Variants in LYST observed in about 807,000 individuals in gnomAD.
The protein encoded by LYST is lysosomal-trafficking regulator.
A neutral mutation model predicts 413.6 loss-of-function variants in LYST; 192 were observed. That is an observed-to-expected ratio of 0.46 (90% confidence interval 0.41 to 0.52). The LOEUF (loss-of-function observed/expected upper bound fraction) is 0.52. Ranked by LOEUF, LYST falls within the 20% of genes least tolerant of loss-of-function variation. The pLI is 0.00. For synonymous variants in LYST, 1,525 were observed against 1,567.3 expected, an observed-to-expected ratio of 0.97 and a Z score of 0.64; for missense variants, 3,815 against 4,499.9, an observed-to-expected ratio of 0.85 and a Z score of 4.35.
intron 1 of LYST, among the ~76,000 whole-genome samples, chr1:235,846,227 T>A (rs1677847058): frequency 6.6e-6 from 1 of 152,092 alleles, no homozygotes; most frequent in African/African-American, 2.4e-5. Flanking sequence ...AGTACCGGCC[T>A]GGAGCCAGGG....
chr1:235,715,197 T>C lies in LYST; in HGVS notation c.9784+4A>G. The C allele has an allele frequency of 6.2e-7, 1 of 1,613,686 alleles. No homozygotes were observed. On this transcript the variant is annotated splice_donor_region_variant and intron_variant, in intron 42 of 52. Transcript: ENST00000389793. The stretch of plus-strand genomic sequence containing the variant: ...GACTTTTTAGGCAGTTATTAAATTC[T>C]TACCTTGATAGGCTAAAAACATTTT...
In LYST at chr1:235,764,504, T is replaced by C. The variant is rs538813154; in HGVS notation, c.6121+1575A>G. Among the ~76,000 whole-genome samples, 4 of 142,346 alleles carry C rather than the reference T, an allele frequency of 2.8e-5. No homozygotes were observed. In the South Asian group the frequency reaches 9.3e-4, roughly 33 times the overall value. The allele number at this position is 142,346 out of a possible 152,430, so 93.4% of individuals were successfully genotyped here. On this transcript the variant is annotated intron_variant, in intron 21 of 52. Coordinates refer to ENST00000389793, the MANE Select transcript of LYST (RefSeq NM_000081.4). ...TCTTTTTTTTTCTTTTCTTTTTTTT[T>C]TTTTTTTTTTTTGAGATGGAGGTTT... is the stretch of plus-strand genomic sequence containing the variant.
At chr1:235,757,883 GTTT>G (rs572690382) in intron 23 of LYST, among the ~76,000 whole-genome samples, 2 of 137,772 alleles carry the variant, frequency 1.5e-5, no homozygotes, top group South Asian at 2.4e-4. Context: ...TATTGGAAAT[GTTT>G]TTTTTTTTTT....
At chr1:235,866,615 C>T (rs1365562725) in intron 1 of LYST, among the ~76,000 whole-genome samples, 1 of 152,118 alleles carries the variant, frequency 6.6e-6, no homozygotes, top group Admixed American at 6.5e-5. Context: ...CTGTCAAAGG[C>T]GGCCCGGCGC....
In LYST at chr1:235,808,823, TGAGGAGAGTTCA is replaced by T. The variant is rs768333640; in HGVS notation, c.1983_1994del (p.Glu662_Ser665del). 1 of 1,613,896 alleles carries T rather than the reference TGAGGAGAGTTCA, an allele frequency of 6.2e-7. No homozygotes were observed. Among genetic ancestry groups the T allele is most frequent in the East Asian group, 2.2e-5 (1 of 44,878 alleles). ...ATCTGTAAGAAGGACTGGATAAACT[TGAGGAGAGTTCA>T]GCATCACATAAGTTTCCCTGCAGTG... On this transcript the variant is annotated inframe_deletion, in exon 5 of 53. Transcript: ENST00000389793.
chr1:235,843,250 A>G (rs1408320320), intron 1 of LYST, among the ~76,000 whole-genome samples: 1 of 152,176 alleles, frequency 6.6e-6, no homozygotes, highest in East Asian at 1.9e-4. Context: ...TCCAATATTT[A>G]TTTATTAAGT....
chr1:235,701,365 C>T (rs929840870), intron 45 of LYST, among the ~76,000 whole-genome samples: 5 of 151,850 alleles, frequency 3.3e-5, no homozygotes, highest in African/African-American at 1.2e-4. Flanking sequence ...TGTGGTGGCT[C>T]GCATCTGTAA....
At chr1:235,841,748 G>C (rs1677236872) in intron 1 of LYST, among the ~76,000 whole-genome samples, 1 of 152,176 alleles carries the variant, frequency 6.6e-6, no homozygotes, top group Non-Finnish European at 1.5e-5. Flanking sequence ...TGAGGGAAAG[G>C]AGGTAAGGAG....
intron 3 of LYST, chr1:235,827,844 T>C: frequency 6.3e-6 from 5 of 794,852 alleles, no homozygotes; most frequent in Non-Finnish European, 7.6e-6. Flanking sequence ...GTATTCTATT[T>C]ACCATATATA....
chr1:235,686,051 G>A lies in LYST; in HGVS notation c.10800+898C>T, dbSNP rs1487423632. ...CTAAACTTGACACATATCCTCAACT[G>A]CACCACAGGCAGTTGATTCAAGAAA... On this transcript the variant is annotated intron_variant, in intron 48 of 52. Coordinates refer to ENST00000389793, the MANE Select transcript of LYST (RefSeq NM_000081.4). This position sits in a 1 kb window ranked among gnomAD's most constrained non-coding sequence, Gnocchi z 4.0. 6.6e-6 allele frequency among the ~76,000 whole-genome samples: 1 copy of A among 151,992 alleles called. No individual in the cohort carries two copies. Among genetic ancestry groups the A allele is most frequent in the Non-Finnish European group, 1.5e-5 (1 of 67,994 alleles).
At chr1:235,821,237 A>G (rs925778993) in intron 3 of LYST, among the ~76,000 whole-genome samples, 2 of 152,190 alleles carry the variant, frequency 1.3e-5, no homozygotes, top group Non-Finnish European at 2.9e-5. Context: ...AGGAGCTTGA[A>G]AACAGTCTGG....
chr1:235,694,860 A>G (rs2103079424), intron 46 of LYST, among the ~76,000 whole-genome samples: 1 of 152,284 alleles, frequency 6.6e-6, no homozygotes, highest in Non-Finnish European at 1.5e-5. Flanking sequence ...TCAGAAAAAG[A>G]AACTTCTCCT....
intron 1 of LYST, among the ~76,000 whole-genome samples, chr1:235,875,330 A>G (rs1011685111): frequency 7.2e-5 from 11 of 152,216 alleles, no homozygotes; most frequent in Non-Finnish European, 1.5e-4. Flanking sequence ...GGCATGTTCC[A>G]TGTTGCTTAA....
At chr1:235,815,733 G>A (rs1234369013) in intron 3 of LYST, among the ~76,000 whole-genome samples, 1 of 152,172 alleles carries the variant, frequency 6.6e-6, no homozygotes, top group Non-Finnish European at 1.5e-5. Flanking sequence ...AACCAGGAAG[G>A]TGAAAGATTT....
chr1:235,723,148 A>C (rs1301460684), intron 39 of LYST, among the ~76,000 whole-genome samples: 1 of 152,226 alleles, frequency 6.6e-6, no homozygotes, highest in Non-Finnish European at 1.5e-5. Context: ...GGCATTGGAA[A>C]GATGGAGTTG....
At chr1:235,788,198 C>A (rs1032296074) in intron 13 of LYST, among the ~76,000 whole-genome samples, 5 of 151,996 alleles carry the variant, frequency 3.3e-5, no homozygotes, top group African/African-American at 1.2e-4. Flanking sequence ...CTCACTCTGT[C>A]ACCCAGACTG....
exon 1 of LYST, chr1:235,883,295 A>G (rs1289228194): frequency 6.6e-6 from 1 of 152,442 alleles, no homozygotes; most frequent in African/African-American, 2.4e-5. Context: ...CCATGCTGTT[A>G]AGCAAGCTGG....
In LYST at chr1:235,808,442, C is replaced by T. The variant is rs375190884; in HGVS notation, c.2363+13G>A. 1.2e-4 allele frequency: 201 copies of T among 1,612,082 alleles called. No homozygotes were observed. Among genetic ancestry groups the T allele is most frequent in the Non-Finnish European group, 1.6e-4 (191 of 1,179,082 alleles). On this transcript the variant is annotated intron_variant, in intron 5 of 52. Coordinates refer to ENST00000389793, the MANE Select transcript of LYST (RefSeq NM_000081.4). ...CAACCCCCGCCCCCGCCGCCACCCACACACATACAAACCTGGATTTAAGCA... is the reference window on the plus strand; with the variant it reads ...CAACCCCCGCCCCCGCCGCCACCCATACACATACAAACCTGGATTTAAGCA...
Position 235,662,893 on chromosome 1 carries a change from C to T in LYST, c.*47G>A. The T allele has an allele frequency of 9.4e-7, 1 of 1,059,654 alleles. No homozygotes were observed. The highest frequency in any genetic ancestry group is 1.5e-6 in the Non-Finnish European group (1 of 673,388). 65.6% of individuals were successfully genotyped at this position (1,059,654 alleles called of 1,614,324 possible). On this transcript the variant is annotated 3_prime_UTR_variant, in exon 53 of 53. Transcript: ENST00000389793. The stretch of plus-strand genomic sequence containing the variant: ...CCTAAAACTGGTGAAGTCAACAAAT[C>T]TAGTTTGGAGTTAAAGTGCTTTGGA...
Sources: allele counts gnomAD v4.1 joint callset (sites outside exome capture counted in the v4.1 genomes callset), GRCh38; gene constraint gnomAD v4.1.1; non-coding constraint Gnocchi (gnomAD v3.1); transcripts MANE v1.5; gene names NCBI Gene and HGNC (gene_info 2026-07-23, HGNC 2026-07-21).